The following RNF150 variants were observed in gnomAD, a reference collection of about 807,000 sequenced individuals.
RNF150 encodes ring finger protein 150.
A neutral mutation model predicts 39.3 loss-of-function variants in RNF150; 24 were observed. That is an observed-to-expected ratio of 0.61 (90% CI 0.44 to 0.86). The LOEUF (loss-of-function observed/expected upper bound fraction) is 0.86, where lower values mean the gene tolerates loss of function less well. Among genes scored for constraint, RNF150 ranks in the 40% least tolerant of loss-of-function variants. The pLI is 0.00. For missense variants in RNF150, 502 were observed against 587.8 expected, an observed-to-expected ratio of 0.85 and a Z score of 1.51; for synonymous variants, 255 against 227.3, an observed-to-expected ratio of 1.12 and a Z score of -1.10.
intron 1 of RNF150, among the ~76,000 whole-genome samples, chr4:141,082,026 G>A (rs1159179583): frequency 6.6e-6 from 1 of 152,188 alleles, no homozygotes; most frequent in Non-Finnish European, 1.5e-5. Context: ...GAAAGCAAAC[G>A]CAGTCGGCTT....
intron 1 of RNF150, among the ~76,000 whole-genome samples, chr4:141,190,905 C>T (rs1475094667): frequency 6.6e-6 from 1 of 152,136 alleles, no homozygotes; most frequent in Non-Finnish European, 1.5e-5. Flanking sequence ...TTAAAATTGT[C>T]AATTAAAATC....
At chr4:141,013,724 A>T (rs757860512) in intron 1 of RNF150, among the ~76,000 whole-genome samples, 2 of 152,218 alleles carry the variant, frequency 1.3e-5, no homozygotes, top group Non-Finnish European at 1.5e-5. Flanking sequence ...AAATTATAGT[A>T]ATATACACTT....
At chr4:141,145,589 G>T (rs112476212) in intron 1 of RNF150, among the ~76,000 whole-genome samples, 3 of 152,168 alleles carry the variant, frequency 2.0e-5, no homozygotes, top group African/African-American at 7.2e-5. Context: ...AATAAGTTCT[G>T]TAGGCTCACC....
intron 4 of RNF150, among the ~76,000 whole-genome samples, chr4:140,937,468 C>T (rs1005638349): frequency 7.0e-4 from 106 of 152,268 alleles, no homozygotes; most frequent in African/African-American, 1.6e-3. Flanking sequence ...ATCATGTTGG[C>T]CAGGCCTGTC....
Position 141,132,622 on chromosome 4 carries a change from C to T in RNF150, c.187G>A (p.Gly63Ser), listed in dbSNP as rs1233671412. The T allele has an allele frequency of 6.5e-7, 1 of 1,549,768 alleles. No homozygotes were observed. Among genetic ancestry groups the T allele is most frequent in the South Asian group, 1.2e-5 (1 of 83,140 alleles). ...PDPGAGAAGG[G>S]GAELHTEKTE... is the part of the protein sequence containing the mutation. ...TTCTCCGTGTGCAGCTCCGCGCCGCCGCCGCCCGCCGCCCCGGCCCCGGGG... is the reference window on the plus strand; with the variant it reads ...TTCTCCGTGTGCAGCTCCGCGCCGCTGCCGCCCGCCGCCCCGGCCCCGGGG... Residue 63 changes from glycine (G) to serine (S), a missense_variant, in exon 1 of 7, where the codon GGC (glycine) becomes AGC (serine). Gly to Ser is a moderately conservative substitution (Grantham distance 56). Coordinates refer to ENST00000515673, the MANE Select transcript of RNF150 (RefSeq NM_020724.2). The surrounding 1 kb of genome is among the most constrained non-coding windows in gnomAD (Gnocchi z 4.9).
intron 6 of RNF150, among the ~76,000 whole-genome samples, chr4:140,883,710 ATC>A (rs1729458209): frequency 6.6e-6 from 1 of 152,058 alleles, no homozygotes; most frequent in African/African-American, 2.4e-5. Flanking sequence ...TCAAGATTCT[ATC>A]TCTGTCTTTG....
At chr4:140,880,907 T>C (rs968158367) in intron 6 of RNF150, among the ~76,000 whole-genome samples, 3 of 152,092 alleles carry the variant, frequency 2.0e-5, no homozygotes, top group Non-Finnish European at 4.4e-5. Context: ...TTCTCTTTAT[T>C]TTAATTAGTC....
chr4:140,922,305 A>G (rs1731189847), intron 5 of RNF150, among the ~76,000 whole-genome samples: 1 of 151,032 alleles, frequency 6.6e-6, no homozygotes, highest in Non-Finnish European at 1.5e-5. Context: ...AAAAATCACA[A>G]GCATTCTTAT....
intron 4 of RNF150, among the ~76,000 whole-genome samples, chr4:140,930,165 C>T (rs1731572151): frequency 6.6e-6 from 1 of 152,032 alleles, no homozygotes; most frequent in Admixed American, 6.5e-5. Flanking sequence ...TACCTCAAAA[C>T]CAACCAACCA....
At chr4:140,900,973 T>A (rs560577447) in intron 6 of RNF150, among the ~76,000 whole-genome samples, 1 of 152,250 alleles carries the variant, frequency 6.6e-6, no homozygotes, top group Admixed American at 6.5e-5. Flanking sequence ...AGACCAAGAT[T>A]TGGGTCCAGA....
At chr4:140,899,878 A>C (rs1169594950) in intron 6 of RNF150, among the ~76,000 whole-genome samples, 1 of 151,510 alleles carries the variant, frequency 6.6e-6, no homozygotes, top group Non-Finnish European at 1.5e-5. Flanking sequence ...ACCACAGAAG[A>C]AGCTGGTGAG....
intron 1 of RNF150, among the ~76,000 whole-genome samples, chr4:141,161,561 C>G (rs555712754): frequency 6.6e-6 from 1 of 152,168 alleles, no homozygotes; most frequent in Non-Finnish European, 1.5e-5. Flanking sequence ...GCTGATAGCC[C>G]AAGACAATGG....
At chr4:141,139,182 G>T (rs896684888) in intron 1 of RNF150, among the ~76,000 whole-genome samples, 3 of 152,150 alleles carry the variant, frequency 2.0e-5, no homozygotes, top group African/African-American at 7.2e-5. Flanking sequence ...TCACGCCACT[G>T]TACTCCAGCC....
At chr4:141,170,978 G>T (rs1727707140) in intron 1 of RNF150, among the ~76,000 whole-genome samples, 1 of 152,062 alleles carries the variant, frequency 6.6e-6, no homozygotes, top group African/African-American at 2.4e-5. Context: ...GCCTGTGCTA[G>T]AAGCTGAGAA....
At position 140,979,577 on chromosome 4, in the gene RNF150, C is replaced by T. The variant is rs556888448; in HGVS notation, c.485-11704G>A. On this transcript the variant is annotated intron_variant, in intron 1 of 6. Coordinates refer to ENST00000515673, the MANE Select transcript of RNF150 (RefSeq NM_020724.2). The stretch of plus-strand genomic sequence containing the variant: ...ATCATCAACATTTATCAAATAAATA[C>T]TTAGAGCATTCTAGATAGTATGAAA... Among the ~76,000 whole-genome samples, 5 of 151,756 alleles carry T rather than the reference C, an allele frequency of 3.3e-5. No individual in the cohort carries two copies. The South Asian group carries it at 1.0e-3, about 32-fold the overall frequency.
chr4:141,183,034 T>C (rs1727938707), intron 1 of RNF150, among the ~76,000 whole-genome samples: 1 of 152,124 alleles, frequency 6.6e-6, no homozygotes, highest in South Asian at 2.1e-4. Flanking sequence ...TGGGTCTTAA[T>C]GTGTTGATTA....
chr4:141,124,519 C>T (rs1478643159), intron 1 of RNF150, among the ~76,000 whole-genome samples: 1 of 152,234 alleles, frequency 6.6e-6, no homozygotes, highest in African/African-American at 2.4e-5. Flanking sequence ...TCCTCATCCA[C>T]TATTCTTTGG....
intron 1 of RNF150, among the ~76,000 whole-genome samples, chr4:141,202,885 C>A (rs965779454): frequency 6.6e-6 from 1 of 151,688 alleles, no homozygotes; most frequent in Non-Finnish European, 1.5e-5. Context: ...AAATGGAATA[C>A]TTGCTATAAA....
intron 1 of RNF150, among the ~76,000 whole-genome samples, chr4:140,994,156 CAA>C (rs1331748797): frequency 1.3e-5 from 2 of 152,164 alleles, no homozygotes; most frequent in Admixed American, 1.3e-4. Flanking sequence ...GGAATAAAAA[CAA>C]GAGCAGCAGA....
Sources: allele counts gnomAD v4.1 joint callset (sites outside exome capture counted in the v4.1 genomes callset), GRCh38; gene constraint gnomAD v4.1.1; non-coding constraint Gnocchi (gnomAD v3.1); transcripts MANE v1.5; gene names NCBI Gene and HGNC (gene_info 2026-07-23, HGNC 2026-07-21).